Variants in NOP14 observed in about 807,000 individuals in gnomAD.
NOP14 encodes nucleolar protein 14.
In NOP14, 57 loss-of-function variants were observed where a neutral mutation model predicts 101.6. The ratio of observed to expected loss-of-function variants is 0.56; its 90% CI spans 0.45 to 0.70. The LOEUF (loss-of-function observed/expected upper bound fraction) is 0.70. Ranked by LOEUF, NOP14 falls within the 30% of genes least tolerant of loss-of-function variation. The pLI, the probability that NOP14 is intolerant of heterozygous loss-of-function variation, is 0.00. For missense variants in NOP14, 1,134 were observed against 1,075.5 expected, an observed-to-expected ratio of 1.05 and a Z score of -0.76; for synonymous variants, 428 against 424.0, an observed-to-expected ratio of 1.01 and a Z score of -0.12.
rs1372929460 is a variant in NOP14 at position 2,961,194 on chromosome 4, A to AGT, written c.195+1930_195+1931insAC. Among the ~76,000 whole-genome samples, 10 of 128,154 alleles carry AGT rather than the reference A, an allele frequency of 7.8e-5. 1 individual carries two copies. The highest frequency in any genetic ancestry group is 1.6e-4 in the African/African-American group (5 of 31,146). 84.1% of individuals were successfully genotyped at this position (128,154 alleles called of 152,430 possible). A position where few individuals can be genotyped will look rare whatever the true frequency, so the allele number is the denominator to read the frequency against. On this transcript the variant is annotated intron_variant, in intron 1 of 17. Coordinates refer to ENST00000416614, the MANE Select transcript of NOP14 (RefSeq NM_001291978.2). Reference sequence around the variant, plus strand: ...TATTACAATAATATATTAATATGCTAATATTATAATAATATATTAATATAT... The same window carrying AGT: ...TATTACAATAATATATTAATATGCTAGTATATTATAATAATATATTAATATAT...
rs375063388 is a variant in NOP14 at position 2,947,930 on chromosome 4, C to T, written c.1414-319G>A. On this transcript the variant is annotated intron_variant, in intron 9 of 17. Coordinates refer to ENST00000416614, the MANE Select transcript of NOP14 (RefSeq NM_001291978.2). ...CCTCACAGGCAATATCCACCATTCA[C>T]TGAAAGAGGCACGATCACAGCCACC... Among the ~76,000 whole-genome samples, 27 of 152,372 alleles carry T rather than the reference C, an allele frequency of 1.8e-4. No homozygotes were observed. The East Asian group carries it at 3.9e-3, about 22-fold the overall frequency.
chr4:2,956,904 T>A, intron 2 of NOP14, 93 bp from the exon 3 acceptor site: 3 of 1,120,228 alleles, frequency 2.7e-6, no homozygotes, highest in Non-Finnish European at 3.7e-6. Flanking sequence ...TTCCATTATA[T>A]TTGAAATATG....
chr4:2,939,912 G>C (rs561874905), intron 15 of NOP14, among the ~76,000 whole-genome samples: 1 of 152,192 alleles, frequency 6.6e-6, no homozygotes, highest in East Asian at 1.9e-4. Flanking sequence ...AGCACTCTCT[G>C]AAAGGAGGGG....
intron 5 of NOP14, among the ~76,000 whole-genome samples, chr4:2,952,720 T>G (rs1715110141): frequency 6.6e-6 from 1 of 152,202 alleles, no homozygotes; most frequent in South Asian, 2.1e-4. Context: ...GGTGGGCAGA[T>G]CACGTGAGGT....
chr4:2,945,914 C>A (rs894929974), intron 11 of NOP14, among the ~76,000 whole-genome samples: 2 of 150,250 alleles, frequency 1.3e-5, no homozygotes, highest in Admixed American at 6.6e-5. Flanking sequence ...CTGCCGTGCA[C>A]TCTCACTCCA....
chr4:2,946,009 A>AG, intron 11 of NOP14, among the ~76,000 whole-genome samples: 2 of 31,414 alleles, frequency 6.4e-5, no homozygotes, highest in African/African-American at 1.6e-4. Flanking sequence ...ACTGCCGTGC[A>AG]CTCTCACTCC....
intron 13 of NOP14, 98 bp from the exon 14 acceptor site, chr4:2,942,449 G>A (rs1214423932): frequency 5.8e-6 from 7 of 1,198,108 alleles, no homozygotes; most frequent in Non-Finnish European, 7.2e-6. Flanking sequence ...CCCTCTAACA[G>A]ACGCACACCG....
intron 10 of NOP14, chr4:2,947,237 T>C (rs1384656187): frequency 2.2e-5 from 10 of 465,048 alleles, no homozygotes; most frequent in Admixed American, 1.6e-4. Flanking sequence ...AAACTTACAA[T>C]GAGCCACCCC....
At position 2,938,818 on chromosome 4, in the gene NOP14, T is replaced by C; in HGVS notation, c.*13A>G. Reference sequence around the variant, plus strand: ...GTAATGTCCAGTTCCTTGCCTTATTTATAAAATGTAATTTATTTTTTGAAC... The same window carrying C: ...GTAATGTCCAGTTCCTTGCCTTATTCATAAAATGTAATTTATTTTTTGAAC... On this transcript the variant is annotated 3_prime_UTR_variant, in exon 18 of 18. Transcript: ENST00000416614. 6.2e-7 allele frequency: 1 copy of C among 1,603,186 alleles called. No individual in the cohort carries two copies.
chr4:2,956,001 G>A (rs1439912040), intron 3 of NOP14, among the ~76,000 whole-genome samples: 1 of 152,186 alleles, frequency 6.6e-6, no homozygotes, highest in Non-Finnish European at 1.5e-5. Context: ...TGAAGATGCT[G>A]GAAATGGGAC....
In NOP14 at chr4:2,938,067, A is replaced by G. The variant is rs1280804695; in HGVS notation, c.*764T>C. Reference sequence around the variant, plus strand: ...CCATGAGGCTTGTCCAGACGCAGTGAACCAGTCGCAGCTGATAACACACAG... The same window carrying G: ...CCATGAGGCTTGTCCAGACGCAGTGGACCAGTCGCAGCTGATAACACACAG... On this transcript the variant is annotated 3_prime_UTR_variant, in exon 18 of 18. Coordinates refer to ENST00000416614, the MANE Select transcript of NOP14 (RefSeq NM_001291978.2). 1.7e-6 allele frequency: 1 copy of G among 576,258 alleles called. No individual in the cohort carries two copies. Among genetic ancestry groups the G allele is most frequent in the Non-Finnish European group, 2.6e-6 (1 of 382,618 alleles). The allele number at this position is 576,258 out of a possible 1,614,324, so 35.7% of individuals were successfully genotyped here. A position where few individuals can be genotyped will look rare whatever the true frequency, so the allele number is the denominator to read the frequency against.
intron 12 of NOP14, among the ~76,000 whole-genome samples, chr4:2,944,877 G>A (rs1213193552): frequency 6.6e-6 from 1 of 152,254 alleles, no homozygotes. Flanking sequence ...CCACTAACTT[G>A]AAAGGTTGTT....
chr4:2,958,203 C>T (rs779386708), intron 1 of NOP14, among the ~76,000 whole-genome samples: 9 of 152,094 alleles, frequency 5.9e-5, no homozygotes, highest in African/African-American at 1.9e-4. Context: ...AACAAGTTAG[C>T]GAGGTCACAG....
rs2858038 is a variant in NOP14, at chr4:2,959,449, C to A, written c.196-1709G>T. ...CTACTAAAAATACAAAAAAATTAGC[C>A]GGGTGTGGTGGCGGGCGCCTGTAGT... On this transcript the variant is annotated intron_variant, in intron 1 of 17. Coordinates refer to ENST00000416614, the MANE Select transcript of NOP14 (RefSeq NM_001291978.2). Among the ~76,000 whole-genome samples the A allele has an allele frequency of 4.2e-4, 63 of 151,620 alleles. 1 individual carries two copies. The highest frequency in any genetic ancestry group is 1.3e-3 in the African/African-American group (53 of 41,338).
rs539881873 is a variant in NOP14, at chr4:2,939,742, A to C, written c.2200-97T>G. 6 of 919,302 alleles carry C rather than the reference A, an allele frequency of 6.5e-6. No homozygotes were observed. The African/African-American group carries it at 9.7e-5, about 15-fold the overall frequency. 56.9% of individuals were successfully genotyped at this position (919,302 alleles called of 1,614,324 possible). A position where few individuals can be genotyped will look rare whatever the true frequency, so the allele number is the denominator to read the frequency against. ...TGTGGTGTCAAGGCAGCGTGAGGAC[A>C]GTGCTGCGAGCTCCCTGCAGCAGGA... On this transcript the variant is annotated intron_variant, in intron 15 of 17. Transcript: ENST00000416614.
Position 2,951,246 on chromosome 4 carries a change from C to T in NOP14, c.871-1G>A. On this transcript the variant is annotated splice_acceptor_variant, in intron 6 of 17. Coordinates refer to ENST00000416614, the MANE Select transcript of NOP14 (RefSeq NM_001291978.2). LOFTEE classifies it high-confidence loss of function. ...CAAGCATTCTTCGAAGTCTCTCAGCCTGAGCAGGAAGGAATGAGATGTCTT... is the reference window on the plus strand; with the variant it reads ...CAAGCATTCTTCGAAGTCTCTCAGCTTGAGCAGGAAGGAATGAGATGTCTT... The T allele has an allele frequency of 6.2e-7, 1 of 1,613,724 alleles. No individual in the cohort carries two copies. Among genetic ancestry groups the T allele is most frequent in the South Asian group, 1.1e-5 (1 of 91,070 alleles).
At chr4:2,949,550 C>T (rs941787496) in intron 8 of NOP14, among the ~76,000 whole-genome samples, 3 of 152,152 alleles carry the variant, frequency 2.0e-5, no homozygotes, top group Non-Finnish European at 4.4e-5. Flanking sequence ...CTGTATATTC[C>T]ATCTAAAATG....
chr4:2,954,405 A>G lies in NOP14; in HGVS notation c.612+19T>C, dbSNP rs1346270917. 31 of 1,612,854 alleles carry G rather than the reference A, an allele frequency of 1.9e-5. No homozygotes were observed. The highest frequency in any genetic ancestry group is 2.5e-5 in the Non-Finnish European group (30 of 1,179,234). On this transcript the variant is annotated intron_variant, in intron 4 of 17. Transcript: ENST00000416614. ...TGTCTTACCGTGGAGAAGATGATCA[A>G]GAACACTCACTAACCCACCTTCTCT...
At chr4:2,957,554 G>C (rs992567894) in intron 2 of NOP14, 52 bp downstream of exon 2, 5 of 1,603,976 alleles carry the variant, frequency 3.1e-6, no homozygotes, top group Non-Finnish European at 3.4e-6. Context: ...CCTTGGCCTT[G>C]ACTTCCCTGT....
Sources: gnomAD v4.1 joint callset for allele counts (sites outside exome capture counted in the v4.1 genomes callset) on GRCh38, gnomAD v4.1.1 for gene constraint, MANE v1.5 for transcripts, NCBI Gene and HGNC (gene_info 2026-07-23, HGNC 2026-07-21) for gene names.